The following NUP93 variants were observed in gnomAD, a reference collection of about 807,000 sequenced individuals.
NUP93 encodes nucleoporin 93.
A neutral mutation model predicts 107.8 loss-of-function variants in NUP93; 55 were observed. The ratio of observed to expected loss-of-function variants is 0.51; its 90% CI spans 0.41 to 0.64. The LOEUF (loss-of-function observed/expected upper bound fraction) is 0.64. Among genes scored for constraint, NUP93 ranks in the 30% least tolerant of loss-of-function variants. The pLI, the probability that NUP93 is intolerant of heterozygous loss-of-function variation, is 0.00. For synonymous variants in NUP93, 390 were observed against 397.5 expected, an observed-to-expected ratio of 0.98 and a Z score of 0.22; for missense variants, 937 against 1,044.7, an observed-to-expected ratio of 0.90 and a Z score of 1.42.
At chr16:56,800,767 C>T (rs1287995639) in intron 4 of NUP93, among the ~76,000 whole-genome samples, 2 of 152,182 alleles carry the variant, frequency 1.3e-5, no homozygotes, top group African/African-American at 4.8e-5. Context: ...TTGGTACATC[C>T]AGGCAAAAAC....
At chr16:56,836,845 T>C in intron 17 of NUP93, 128 bp downstream of exon 17, 1 of 616,788 alleles carries the variant, frequency 1.6e-6, no homozygotes, top group Non-Finnish European at 2.9e-6. Flanking sequence ...CTCTAGTGCT[T>C]AGACAGTTAA....
chr16:56,768,306 G>A (rs1414249089), intron 3 of NUP93, among the ~76,000 whole-genome samples: 4 of 152,204 alleles, frequency 2.6e-5, no homozygotes, highest in African/African-American at 9.7e-5. Context: ...GCTCACGCCT[G>A]TAATCCCAGC....
intron 5 of NUP93, among the ~76,000 whole-genome samples, chr16:56,816,683 GT>G (rs1963439868): frequency 6.6e-6 from 1 of 152,148 alleles, no homozygotes; most frequent in South Asian, 2.1e-4. Flanking sequence ...TAGAACTAGG[GT>G]GTGCCATTCC....
chr16:56,796,915 T>C (rs1453331388), intron 3 of NUP93, among the ~76,000 whole-genome samples: 1 of 151,480 alleles, frequency 6.6e-6, no homozygotes, highest in Non-Finnish European at 1.5e-5. Context: ...GAGGTTGCAG[T>C]GAGCCGAGAT....
At chr16:56,821,394 G>A (rs780217580) in intron 6 of NUP93, 110 bp from the exon 7 acceptor site, 16 of 707,832 alleles carry the variant, frequency 2.3e-5, no homozygotes, top group Admixed American at 6.7e-5. Flanking sequence ...CAGCCACTCC[G>A]AGGAAGGAAA....
chr16:56,778,505 C>T (rs1344944798), intron 3 of NUP93, among the ~76,000 whole-genome samples: 1 of 152,088 alleles, frequency 6.6e-6, no homozygotes, highest in Non-Finnish European at 1.5e-5. Flanking sequence ...CATTCAGAGG[C>T]AATTGTAGTA....
intron 5 of NUP93, among the ~76,000 whole-genome samples, chr16:56,806,258 C>T (rs959639469): frequency 6.6e-6 from 1 of 151,704 alleles, no homozygotes; most frequent in Non-Finnish European, 1.5e-5. Context: ...GCCCATCTGA[C>T]ACCCAGTCTC....
intron 2 of NUP93, among the ~76,000 whole-genome samples, chr16:56,753,986 T>A (rs768535263): frequency 3.3e-5 from 5 of 151,828 alleles, no homozygotes; most frequent in Non-Finnish European, 7.4e-5. Context: ...TTTTTTTTTT[T>A]AATGAAGAAA....
Position 56,783,962 on chromosome 16 carries a change from A to C in NUP93, c.298-14514A>C, listed in dbSNP as rs1271938677. 5 of 859,640 alleles carry C rather than the reference A, an allele frequency of 5.8e-6. No homozygotes were observed. The African/African-American group carries it at 9.1e-5, about 16-fold the overall frequency. The allele number at this position is 859,640 out of a possible 1,614,324, so 53.3% of individuals were successfully genotyped here. ...AAATAGACTTTTAAATGAACGCTGC[A>C]AATATGAAAAGTGTAACGCAGAGGT... On this transcript the variant is annotated intron_variant, in intron 3 of 21. Transcript: ENST00000308159.
chr16:56,834,234 C>T lies in NUP93; in HGVS notation c.1644C>T (p.Leu548=), dbSNP rs1963863924. The T allele has an allele frequency of 1.2e-6, 2 of 1,614,018 alleles. No homozygotes were observed. Among genetic ancestry groups the T allele is most frequent in the African/African-American group, 1.3e-5 (1 of 74,916 alleles). The change falls in exon 14 of 22, where the codon CTC becomes CTT. Residue 548 remains leucine (L), a synonymous_variant. Coordinates refer to ENST00000308159, the MANE Select transcript of NUP93 (RefSeq NM_014669.5). ...KFESTDPREA[L]QYFYFLRDEK... ...AGTCCACGGACCCAAGGGAGGCCCT[C>T]CAGTACTTCTATTTCCTCAGGTAAC...
chr16:56,818,347 GA>G (rs1473725672), intron 5 of NUP93, among the ~76,000 whole-genome samples: 1 of 152,226 alleles, frequency 6.6e-6, no homozygotes, highest in African/African-American at 2.4e-5. Context: ...ATGAGGTAGA[GA>G]GGGGGCTTGA....
At chr16:56,787,291 A>G (rs1178996327) in intron 3 of NUP93, among the ~76,000 whole-genome samples, 1 of 152,268 alleles carries the variant, frequency 6.6e-6, no homozygotes, top group African/African-American at 2.4e-5. Context: ...CTCCAATCCC[A>G]TCAGCATAAG....
At chr16:56,823,944 T>C in intron 8 of NUP93, 98 bp downstream of exon 8, 2 of 1,422,124 alleles carry the variant, frequency 1.4e-6, no homozygotes, top group Non-Finnish European at 1.9e-6. Flanking sequence ...GTGCTGTAGG[T>C]ATAATTTAAG....
intron 5 of NUP93, among the ~76,000 whole-genome samples, chr16:56,811,217 C>T (rs575953982): frequency 1.7e-4 from 26 of 152,266 alleles, no homozygotes; most frequent in Admixed American, 1.3e-3. Flanking sequence ...ATTGGAGTAC[C>T]CTCCCACCAG....
chr16:56,748,308 G>T lies in NUP93; in HGVS notation c.61G>T (p.Glu21Ter), dbSNP rs1354470170. ...AGCTGAACAGCTTGCTGCTGAGACT[G>T]AGGGCATCTCAGAGCTTCCCCATGT... ...QQAEQLAAET[E>*]GISELPHVER... Residue 21 changes from glutamate (E) to a stop codon, truncating the protein, a stop_gained, in exon 2 of 22, where the codon GAG becomes TAG. Coordinates refer to ENST00000308159, the MANE Select transcript of NUP93 (RefSeq NM_014669.5). LOFTEE classifies it high-confidence loss of function. The T allele has an allele frequency of 6.2e-7, 1 of 1,613,882 alleles. No homozygotes were observed. Among genetic ancestry groups the T allele is most frequent in the Non-Finnish European group, 8.5e-7 (1 of 1,179,932 alleles).
intron 2 of NUP93, 124 bp from the exon 3 acceptor site, chr16:56,758,414 G>T: frequency 1.4e-6 from 1 of 725,190 alleles, no homozygotes; most frequent in Non-Finnish European, 2.5e-6. Flanking sequence ...AAAGTGTCTG[G>T]ACAGTATATA....
chr16:56,738,598 A>G (rs1031102898), intron 1 of NUP93, among the ~76,000 whole-genome samples: 4 of 152,202 alleles, frequency 2.6e-5, no homozygotes, highest in South Asian at 2.1e-4. Context: ...GAACTTTCCA[A>G]CAATTTTTTT....
At chr16:56,774,803 A>G (rs1172659813) in intron 3 of NUP93, among the ~76,000 whole-genome samples, 2 of 152,166 alleles carry the variant, frequency 1.3e-5, no homozygotes. Flanking sequence ...CTCTAGCTTC[A>G]GTATGCTTTC....
At chr16:56,744,265 CG>C (rs1425513178) in intron 1 of NUP93, among the ~76,000 whole-genome samples, 45 of 152,030 alleles carry the variant, frequency 3.0e-4, no homozygotes, top group African/African-American at 1.1e-3. Context: ...CAAAGCTTAC[CG>C]AGGTTATTTT....
Sources: gnomAD v4.1 joint callset for allele counts (sites outside exome capture counted in the v4.1 genomes callset) on GRCh38, gnomAD v4.1.1 for gene constraint, MANE v1.5 for transcripts, NCBI Gene and HGNC (gene_info 2026-07-23, HGNC 2026-07-21) for gene names.